HMG20A: variants seen among roughly 807,000 people sequenced by gnomAD.
HMG20A encodes the protein high mobility group protein 20A.
HMG20A carries 17 observed loss-of-function variants against 43.9 expected under a neutral mutation model. That is an observed-to-expected ratio of 0.39 (90% CI 0.27 to 0.58). The LOEUF is 0.58. Ranked by LOEUF, HMG20A falls within the 20% of genes least tolerant of loss-of-function variation. The pLI is 0.59. For missense variants in HMG20A, 341 were observed against 438.2 expected (o/e 0.78, Z 1.98); for synonymous variants, 132 against 147.5 (o/e 0.89, Z 0.76).
the HMG20A span, among the ~76,000 whole-genome samples, chr15:77,497,838 A>AT: frequency 0.027 from 3,829 of 142,554 alleles, 147 homozygotes; most frequent in African/African-American, 0.085. Flanking sequence ...AAGATTTTTA[A>AT]TTTTTTTTTT....
At chr15:77,467,429 C>G in intron 4 of HMG20A, 122 bp downstream of exon 4, 1 of 746,944 alleles carries the variant, frequency 1.3e-6, no homozygotes, top group Non-Finnish European at 2.2e-6. Flanking sequence ...CCTAGGAGAC[C>G]AGAATAGCAG....
chr15:77,503,603 G>T, the HMG20A span, among the ~76,000 whole-genome samples: 2 of 152,140 alleles, frequency 1.3e-5, no homozygotes, highest in Non-Finnish European at 2.9e-5. Context: ...ATTCCCACTT[G>T]GCAGACCCAG....
At chr15:77,467,385 G>C (rs2072766611) in intron 4 of HMG20A, 78 bp downstream of exon 4, 1 of 1,232,750 alleles carries the variant, frequency 8.1e-7, no homozygotes, top group South Asian at 1.3e-5. Context: ...AAGCAAAGAG[G>C]ATGGACAGTT....
chr15:77,424,206 A>C (rs1488062295), intron 1 of HMG20A, among the ~76,000 whole-genome samples: 1 of 152,168 alleles, frequency 6.6e-6, no homozygotes, highest in Non-Finnish European at 1.5e-5. Flanking sequence ...CCAGATTTGA[A>C]TGTTTCAGCC....
At position 77,440,683 on chromosome 15, in the gene HMG20A, G is replaced by A. The variant is rs1201533115; in HGVS notation, c.-4-17721G>A. ...ACTGTATTCAGGGGAAGGAAACATG[G>A]CAAATTGCTTATAGACTCAGATTTT... On this transcript the variant is annotated intron_variant, in intron 1 of 9. Transcript: ENST00000336216. Among the ~76,000 whole-genome samples the A allele has an allele frequency of 2.0e-5, 3 of 152,110 alleles. No homozygotes were observed. The East Asian group carries it at 5.8e-4, about 29-fold the overall frequency.
intron 1 of HMG20A, among the ~76,000 whole-genome samples, chr15:77,439,420 C>T (rs2073586622): frequency 6.6e-6 from 1 of 152,114 alleles, no homozygotes; most frequent in Non-Finnish European, 1.5e-5. Flanking sequence ...CGAGAGATAA[C>T]CACTATTCTG....
At position 77,471,031 on chromosome 15, in the gene HMG20A, C is replaced by T. The variant is rs1165449273; in HGVS notation, c.572C>T (p.Ser191Phe). The T allele has an allele frequency of 6.2e-7, 1 of 1,610,428 alleles. No homozygotes were observed. Among genetic ancestry groups the T allele is most frequent in the Admixed American group, 1.7e-5 (1 of 58,884 alleles). ...RKTQDRQKGK[S>F]HRQDAARQAT... Reference sequence around the variant, plus strand: ...ACCCAGGACCGTCAGAAAGGCAAATCTCATAGGCAAGGTATCAAAACCAGA... The same window carrying T: ...ACCCAGGACCGTCAGAAAGGCAAATTTCATAGGCAAGGTATCAAAACCAGA... Residue 191 changes from serine to phenylalanine, a missense_variant, in exon 5 of 10, where the codon TCT becomes TTT. This residue lies in a region of HMG20A where 220 missense variants were observed against 263.6 expected (regional missense o/e 0.83). Transcript: ENST00000336216.
chr15:77,499,051 A>G, the HMG20A span, among the ~76,000 whole-genome samples: 1 of 152,204 alleles, frequency 6.6e-6, no homozygotes, highest in African/African-American at 2.4e-5. Flanking sequence ...GACTTCATAT[A>G]GGACTGGATG....
the HMG20A span, among the ~76,000 whole-genome samples, chr15:77,512,718 A>G: frequency 6.6e-6 from 1 of 152,090 alleles, no homozygotes; most frequent in Non-Finnish European, 1.5e-5. Flanking sequence ...CTACTGGGTA[A>G]ATTTTTGATG....
chr15:77,489,982 A>G (rs1160983525), downstream of HMG20A, among the ~76,000 whole-genome samples: 2 of 152,186 alleles, frequency 1.3e-5, no homozygotes. Flanking sequence ...CTGTTTTTAA[A>G]GGGTCACTCT....
At chr15:77,470,004 C>A (rs1567404745) in intron 4 of HMG20A, among the ~76,000 whole-genome samples, 1 of 152,162 alleles carries the variant, frequency 6.6e-6, no homozygotes, top group Non-Finnish European at 1.5e-5. Context: ...GGTAACAAAT[C>A]ATTGGTATTG....
In HMG20A at chr15:77,458,439, C is replaced by T. The variant is rs372649225; in HGVS notation, c.32C>T (p.Pro11Leu). 4.2e-5 allele frequency: 67 copies of T among 1,613,194 alleles called. 1 individual carries two copies. Among genetic ancestry groups the T allele is most frequent in the East Asian group, 3.8e-4 (17 of 44,846 alleles). Residue 11 changes from proline to leucine, a missense_variant, in exon 2 of 10, where the codon CCG becomes CTG. This residue lies in a region of HMG20A where 220 missense variants were observed against 263.6 expected (regional missense o/e 0.83). Coordinates refer to ENST00000336216, the MANE Select transcript of HMG20A (RefSeq NM_001304504.2). MENLMTSSTL[P>L]PLFADEDGSK... ...AACTTGATGACTAGCTCCACCCTAC[C>T]GCCCCTTTTTGCAGATGAAGACGGT...
At chr15:77,497,539 A>C in the HMG20A span, among the ~76,000 whole-genome samples, 1 of 152,244 alleles carries the variant, frequency 6.6e-6, no homozygotes, top group Non-Finnish European at 1.5e-5. Context: ...TCAGCTTACA[A>C]GCTTAGACAG....
the HMG20A span, among the ~76,000 whole-genome samples, chr15:77,497,264 C>T: frequency 1.3e-5 from 2 of 152,354 alleles, 1 homozygote; most frequent in Admixed American, 1.3e-4. Flanking sequence ...GTCCCGTTCC[C>T]GAGAAGGTGA....
chr15:77,513,881 A>G, the HMG20A span, among the ~76,000 whole-genome samples: 1 of 152,234 alleles, frequency 6.6e-6, no homozygotes, highest in African/African-American at 2.4e-5. Context: ...ATGCGCCACC[A>G]TGCCCAGCTA....
Position 77,478,259 on chromosome 15 carries a change from A to G in HMG20A, c.692-36A>G, listed in dbSNP as rs1418007878. On this transcript the variant is annotated intron_variant, in intron 7 of 9. Coordinates refer to ENST00000336216, the MANE Select transcript of HMG20A (RefSeq NM_001304504.2). ...TTGGGACTCCTCAGAGACTCCTTCT[A>G]GTGCTGCATGTGTTCTGTGGGATGT... 5.6e-6 allele frequency: 9 copies of G among 1,603,232 alleles called. No homozygotes were observed. In the East Asian group the frequency reaches 1.3e-4, roughly 24 times the overall value.
At chr15:77,478,968 T>C (rs2072882463) in intron 8 of HMG20A, among the ~76,000 whole-genome samples, 1 of 152,242 alleles carries the variant, frequency 6.6e-6, no homozygotes, top group East Asian at 1.9e-4. Flanking sequence ...ATGCAGCTGC[T>C]CATATATACT....
In HMG20A at chr15:77,440,312, A is replaced by G. The variant is rs371260758; in HGVS notation, c.-4-18092A>G. ...TTCTTAAATTGTGGTATTAAACTAG[A>G]TAATAGTGAACTTTTGTTGGTTTAC... On this transcript the variant is annotated intron_variant, in intron 1 of 9. Transcript: ENST00000336216. Among the ~76,000 whole-genome samples the G allele has an allele frequency of 1.2e-4, 19 of 152,330 alleles. 1 individual carries two copies. In the East Asian group the frequency reaches 3.5e-3, roughly 28 times the overall value.
At position 77,471,007 on chromosome 15, in the gene HMG20A, C is replaced by A. The variant is rs2072802909; in HGVS notation, c.548C>A (p.Thr183Asn). 5 of 1,612,058 alleles carry A rather than the reference C, an allele frequency of 3.1e-6. No homozygotes were observed. The highest frequency in any genetic ancestry group is 4.2e-6 in the Non-Finnish European group (5 of 1,179,358). The change falls in exon 5 of 10, where the codon ACC (threonine) becomes AAC (asparagine). Residue 183 changes from threonine (T) to asparagine (N), a missense_variant. Transcript: ENST00000336216. ...TEAYKVFSRKTQDRQKGKSHR... is the reference protein window; with the variant it reads ...TEAYKVFSRKNQDRQKGKSHR... The stretch of plus-strand genomic sequence containing the variant: ...GCCTACAAGGTCTTCAGTAGGAAAA[C>A]CCAGGACCGTCAGAAAGGCAAATCT...
Sources: gnomAD v4.1 joint callset for allele counts (sites outside exome capture counted in the v4.1 genomes callset) on GRCh38, gnomAD v4.1.1 for gene constraint, gnomAD v4.1.1 regional missense constraint, MANE v1.5 for transcripts, NCBI Gene and HGNC (gene_info 2026-07-23, HGNC 2026-07-21) for gene names.